The following TRIM2 variants were observed in gnomAD, a reference collection of about 807,000 sequenced individuals.
TRIM2 encodes the protein tripartite motif containing 2.
TRIM2 carries 20 observed loss-of-function variants against 75.2 expected under a neutral mutation model. The observed-to-expected ratio is 0.27, with a 90% CI of 0.19 to 0.39. The LOEUF (loss-of-function observed/expected upper bound fraction) is 0.39, where lower values mean the gene tolerates loss of function less well. Among genes scored for constraint, TRIM2 ranks in the 10% least tolerant of loss-of-function variants. The probability of loss-of-function intolerance (pLI) is 1.00; values close to 1 mark genes in which losing one functional copy is unlikely to be tolerated. For synonymous variants in TRIM2, 373 were observed against 388.3 expected (o/e 0.96, Z 0.46); for missense variants, 660 against 990.8 (o/e 0.67, Z 4.48).
At chr4:153,263,063 G>A (rs2149995839) in intron 1 of TRIM2, among the ~76,000 whole-genome samples, 1 of 152,334 alleles carries the variant, frequency 6.6e-6, no homozygotes, top group South Asian at 2.1e-4. Flanking sequence ...GGGCATGGTG[G>A]TTCACGCCTG....
At chr4:153,193,330 A>C (rs1318219069) in intron 1 of TRIM2, among the ~76,000 whole-genome samples, 1 of 151,810 alleles carries the variant, frequency 6.6e-6, no homozygotes, top group Non-Finnish European at 1.5e-5. Context: ...ACAGGGTTTC[A>C]CTGTGTTAGT....
chr4:153,264,982 A>G (rs1052640026), intron 1 of TRIM2, among the ~76,000 whole-genome samples: 5 of 152,232 alleles, frequency 3.3e-5, no homozygotes, highest in African/African-American at 1.2e-4. Context: ...CAAATTAACA[A>G]TACTACAATA....
chr4:153,294,806 A>G (rs1762457191), intron 5 of TRIM2, among the ~76,000 whole-genome samples: 1 of 152,142 alleles, frequency 6.6e-6, no homozygotes, highest in Admixed American at 6.5e-5. Context: ...TCTCTCACCC[A>G]CACCAACCTG....
Position 153,276,054 on chromosome 4 carries a change from A to G in TRIM2, c.377A>G (p.Glu126Gly), listed in dbSNP as rs745893565. ...VLQRTPGSNAEESSILETVTA... is the reference protein window; with the variant it reads ...VLQRTPGSNAGESSILETVTA... ...CAGCGAACTCCAGGCAGCAACGCTG[A>G]GGAGTCTTCCATCCTGGAGACAGTC... is the stretch of plus-strand genomic sequence containing the variant. Residue 126 changes from glutamate to glycine, a missense_variant, in exon 3 of 12, where the codon GAG (glutamate) becomes GGG (glycine). This residue lies in a region of TRIM2 where 620 missense variants were observed against 891.0 expected (regional missense o/e 0.70). Transcript: ENST00000338700. 19 of 1,614,116 alleles carry G rather than the reference A, an allele frequency of 1.2e-5. No homozygotes were observed. The Admixed American group carries it at 2.7e-4, about 23-fold the overall frequency.
intron 1 of TRIM2, among the ~76,000 whole-genome samples, chr4:153,193,173 C>T (rs1200974720): frequency 1.4e-5 from 2 of 147,212 alleles, no homozygotes; most frequent in Non-Finnish European, 3.0e-5. Flanking sequence ...ACTCTGTCGC[C>T]CAGGCTGGAA....
At chr4:153,268,699 TA>T (rs1755903942) in intron 1 of TRIM2, among the ~76,000 whole-genome samples, 1 of 152,198 alleles carries the variant, frequency 6.6e-6, no homozygotes, top group African/African-American at 2.4e-5. Flanking sequence ...TTTAAGGTGG[TA>T]AAAGGAGCTG....
chr4:153,215,548 T>C lies in TRIM2; in HGVS notation c.30+10988T>C, dbSNP rs191720213. ...TAGGGAGGGGTGCATCTGGAGTGTT[T>C]GAAATATCCCAATTCTTGTTCTGGA... On this transcript the variant is annotated intron_variant, in intron 1 of 11. Transcript: ENST00000338700. Among the ~76,000 whole-genome samples the C allele has an allele frequency of 7.2e-5, 11 of 152,296 alleles. No individual in the cohort carries two copies. In the East Asian group the frequency reaches 2.1e-3, roughly 29 times the overall value.
intron 1 of TRIM2, 93 bp from the exon 2 acceptor site, chr4:153,270,242 C>T (rs967767995): frequency 3.4e-6 from 5 of 1,461,664 alleles, no homozygotes; most frequent in Non-Finnish European, 3.7e-6. Flanking sequence ...TCTACCTTTA[C>T]TTATAGCACA....
chr4:153,211,309 C>T (rs1736929828), intron 1 of TRIM2, among the ~76,000 whole-genome samples: 1 of 152,066 alleles, frequency 6.6e-6, no homozygotes, highest in Non-Finnish European at 1.5e-5. Context: ...ATTGGGGTTA[C>T]TGGGTCAGAG....
intron 1 of TRIM2, among the ~76,000 whole-genome samples, chr4:153,196,263 A>ACCC (rs113523472): frequency 7.4e-6 from 1 of 135,510 alleles, no homozygotes; most frequent in African/African-American, 3.1e-5. Context: ...CATTCCTACC[A>ACCC]CCCCCCCCCA....
intron 8 of TRIM2, 62 bp downstream of exon 8, chr4:153,316,061 A>C: frequency 6.9e-7 from 1 of 1,459,270 alleles, no homozygotes; most frequent in Non-Finnish European, 9.2e-7. Context: ...ATACAAAATG[A>C]AATTGCATAT....
Position 153,226,528 on chromosome 4 carries a change from T to G in TRIM2, c.30+21968T>G, listed in dbSNP as rs142464331. Among the ~76,000 whole-genome samples the G allele has an allele frequency of 3.6e-3, 549 of 152,334 alleles. 12 individuals carry two copies. The highest frequency in any genetic ancestry group is 0.019 in the East Asian group (100 of 5,186). On this transcript the variant is annotated intron_variant, in intron 1 of 11. Transcript: ENST00000338700. ...GGAGTTTTGAGAGATGAATACCCTT[T>G]TAAACTGACATCTCTTCAGTGTAAG...
chr4:153,305,408 T>C (rs1253403741), intron 6 of TRIM2, among the ~76,000 whole-genome samples: 4 of 152,210 alleles, frequency 2.6e-5, no homozygotes, highest in Admixed American at 2.6e-4. Flanking sequence ...ACAGTTGTAG[T>C]CTAGAACTAA....
At chr4:153,168,460 A>G (rs1473360383) in intron 1 of TRIM2, among the ~76,000 whole-genome samples, 1 of 152,186 alleles carries the variant, frequency 6.6e-6, no homozygotes, top group Non-Finnish European at 1.5e-5. Flanking sequence ...TTGCTTTGGA[A>G]CTAGAGAAAA....
chr4:153,213,511 C>G (rs1737642041), intron 1 of TRIM2, among the ~76,000 whole-genome samples: 1 of 151,994 alleles, frequency 6.6e-6, no homozygotes, highest in South Asian at 2.1e-4. Context: ...TTGTAGCAAT[C>G]CCACTATTAT....
chr4:153,273,453 T>C, intron 2 of TRIM2, among the ~76,000 whole-genome samples: 1 of 139,166 alleles, frequency 7.2e-6, no homozygotes, highest in African/African-American at 2.8e-5. Flanking sequence ...TTTTTTTTTT[T>C]TTTTTTTTTT....
intron 1 of TRIM2, among the ~76,000 whole-genome samples, chr4:153,196,183 C>T (rs1219559839): frequency 1.3e-5 from 2 of 152,008 alleles, no homozygotes; most frequent in Non-Finnish European, 2.9e-5. Flanking sequence ...CCCAGCACGT[C>T]GGGAGGCTGA....
chr4:153,203,879 G>A (rs553263107), upstream of TRIM2, among the ~76,000 whole-genome samples: 5 of 150,808 alleles, frequency 3.3e-5, no homozygotes, highest in South Asian at 2.1e-4. Flanking sequence ...GCAACAGAGC[G>A]AGACTCCATC....
At chr4:153,307,581 C>G (rs1765290236) in intron 6 of TRIM2, among the ~76,000 whole-genome samples, 1 of 152,140 alleles carries the variant, frequency 6.6e-6, no homozygotes, top group Non-Finnish European at 1.5e-5. Flanking sequence ...CTTTGGCTTA[C>G]AGGAGAGACT....
Sources: allele counts gnomAD v4.1 joint callset (sites outside exome capture counted in the v4.1 genomes callset), GRCh38; gene constraint gnomAD v4.1.1; regional missense constraint gnomAD v4.1.1; transcripts MANE v1.5; gene names NCBI Gene and HGNC (gene_info 2026-07-23, HGNC 2026-07-21).